Variants in ST3GAL1 observed in about 807,000 individuals in gnomAD.
ST3GAL1 encodes the protein CMP-N-acetylneuraminate-beta-galactosamide-alpha-2,3-sialyltransferase 1.
Under a neutral mutation model 34.1 loss-of-function variants are expected in ST3GAL1, and 16 were observed. The observed-to-expected ratio is 0.47, with a 90% CI of 0.32 to 0.71. ST3GAL1 has a LOEUF of 0.71. Ranked by LOEUF, ST3GAL1 falls within the 30% of genes least tolerant of loss-of-function variation. The probability of loss-of-function intolerance (pLI) is 0.04; values close to 1 mark genes in which losing one functional copy is unlikely to be tolerated. For synonymous variants in ST3GAL1, 191 were observed against 184.7 expected (o/e 1.03, Z -0.28); for missense variants, 353 against 447.4 (o/e 0.79, Z 1.90).
chr8:133,530,146 A>AG (rs1018844396), intron 2 of ST3GAL1, among the ~76,000 whole-genome samples: 20 of 151,840 alleles, frequency 1.3e-4, no homozygotes, highest in African/African-American at 2.2e-4. Flanking sequence ...AAACTAGAGC[A>AG]GGGGGGGTGA....
chr8:133,476,868 C>A (rs1816201796), intron 3 of ST3GAL1, among the ~76,000 whole-genome samples: 1 of 152,202 alleles, frequency 6.6e-6, no homozygotes, highest in Admixed American at 6.5e-5. Context: ...TTGACACACT[C>A]AACAAACATT....
chr8:133,562,829 CCT>C (rs1563744637), intron 1 of ST3GAL1, among the ~76,000 whole-genome samples: 8 of 97,688 alleles, frequency 8.2e-5, no homozygotes, highest in Admixed American at 1.9e-4. Context: ...TTCCTTCCTT[CCT>C]TCCTTCCTTC....
In ST3GAL1 at chr8:133,556,050, C is replaced by A. The variant is rs533843857; in HGVS notation, c.-581-10124G>T. ...CTGGGATTACAGGCACCTGCCACCA[C>A]GCCTGGCTGATTTTTTTTGTATTTT... On this transcript the variant is annotated intron_variant, in intron 1 of 9. Coordinates refer to ENST00000522652, the MANE Select transcript of ST3GAL1 (RefSeq NM_173344.3). The surrounding 1 kb of genome is among the most constrained non-coding windows in gnomAD (Gnocchi z 8.9). 1.3e-5 allele frequency among the ~76,000 whole-genome samples: 2 copies of A among 151,030 alleles called. No individual in the cohort carries two copies. Among genetic ancestry groups the A allele is most frequent in the Non-Finnish European group, 3.0e-5 (2 of 67,596 alleles).
At chr8:133,487,196 C>T (rs577815990) in intron 3 of ST3GAL1, among the ~76,000 whole-genome samples, 3 of 152,220 alleles carry the variant, frequency 2.0e-5, no homozygotes, top group African/African-American at 7.2e-5. Flanking sequence ...ACCTTGGCCT[C>T]CCAAAGTGCT....
intron 3 of ST3GAL1, among the ~76,000 whole-genome samples, chr8:133,476,889 C>T (rs1209144941): frequency 6.6e-6 from 1 of 152,208 alleles, no homozygotes; most frequent in East Asian, 1.9e-4. Flanking sequence ...TGTCAAAGAG[C>T]TCGTGATGCA....
chr8:133,472,855 G>GA (rs143465666), intron 5 of ST3GAL1, among the ~76,000 whole-genome samples: 8,421 of 119,410 alleles, frequency 0.071, 263 homozygotes, highest in Middle Eastern at 0.086. Flanking sequence ...AATTAGTACT[G>GA]AAAAAAAAAA....
chr8:133,564,106 G>C (rs897365743), intron 1 of ST3GAL1, among the ~76,000 whole-genome samples: 1 of 152,128 alleles, frequency 6.6e-6, no homozygotes, highest in African/African-American at 2.4e-5. Context: ...CAAGAACCGA[G>C]GTTTTACAAC....
chr8:133,536,297 G>C (rs1818308203), intron 2 of ST3GAL1, among the ~76,000 whole-genome samples: 1 of 152,112 alleles, frequency 6.6e-6, no homozygotes, highest in African/African-American at 2.4e-5. Flanking sequence ...GGATAGTAAG[G>C]GTCATGGGCA....
intron 2 of ST3GAL1, among the ~76,000 whole-genome samples, chr8:133,509,473 C>A (rs1216858472): frequency 3.3e-5 from 5 of 152,226 alleles, no homozygotes; most frequent in Non-Finnish European, 5.9e-5. Flanking sequence ...ACTTCACAAG[C>A]CTCCTGTGAG....
intron 5 of ST3GAL1, among the ~76,000 whole-genome samples, chr8:133,468,177 C>T (rs1370210803): frequency 6.6e-6 from 1 of 152,104 alleles, no homozygotes; most frequent in African/African-American, 2.4e-5. Flanking sequence ...ATGTTCAAAG[C>T]AGCATTATTC....
At chr8:133,511,434 G>T (rs149937469) in intron 2 of ST3GAL1, among the ~76,000 whole-genome samples, 3 of 152,216 alleles carry the variant, frequency 2.0e-5, no homozygotes, top group African/African-American at 7.2e-5. Flanking sequence ...CTATGTAGAT[G>T]TGCACTGTTT....
chr8:133,508,809 GC>G lies in ST3GAL1; in HGVS notation c.-428-9621del, dbSNP rs1817422646. Among the ~76,000 whole-genome samples, 2 of 152,236 alleles carry G rather than the reference GC, an allele frequency of 1.3e-5. No individual in the cohort carries two copies. The highest frequency in any genetic ancestry group is 1.3e-4 in the Admixed American group (2 of 15,294). On this transcript the variant is annotated intron_variant, in intron 2 of 9. Transcript: ENST00000522652. This position sits in a 1 kb window ranked among gnomAD's most constrained non-coding sequence, Gnocchi z 4.1. Reference sequence around the variant, plus strand: ...ATATAGTCCCTCTCTGAAAGCTTGTGCATCATACAAAACAGTGCAGATAATG... The same window carrying G: ...ATATAGTCCCTCTCTGAAAGCTTGTGATCATACAAAACAGTGCAGATAATG...
At chr8:133,490,947 C>T (rs897397071) in intron 3 of ST3GAL1, among the ~76,000 whole-genome samples, 7 of 152,172 alleles carry the variant, frequency 4.6e-5, no homozygotes, top group Admixed American at 6.5e-5. Context: ...TCTGCATCGG[C>T]GCCTGCCCAT....
chr8:133,505,717 C>T (rs1817313583), intron 2 of ST3GAL1, among the ~76,000 whole-genome samples: 2 of 152,024 alleles, frequency 1.3e-5, no homozygotes, highest in Non-Finnish European at 2.9e-5. Flanking sequence ...AGTCTCCTGC[C>T]TCAGTCTCCT....
At chr8:133,530,863 C>T (rs1357091032) in intron 2 of ST3GAL1, among the ~76,000 whole-genome samples, 2 of 152,094 alleles carry the variant, frequency 1.3e-5, no homozygotes, top group African/African-American at 4.8e-5. Context: ...CTCCATCAGG[C>T]AGCTAAATGA....
chr8:133,508,157 G>C lies in ST3GAL1; in HGVS notation c.-428-8968C>G, dbSNP rs560292203. Among the ~76,000 whole-genome samples, 1 of 152,080 alleles carries C rather than the reference G, an allele frequency of 6.6e-6. No individual in the cohort carries two copies. The highest frequency in any genetic ancestry group is 1.9e-4 in the East Asian group (1 of 5,172). On this transcript the variant is annotated intron_variant, in intron 2 of 9. Transcript: ENST00000522652. The surrounding 1 kb of genome is among the most constrained non-coding windows in gnomAD (Gnocchi z 4.1). ...AAAAAAGGCATCTTTCCCCAACAGC[G>C]TGGAGGCACACTCATTTCTCTTCCC...
At chr8:133,490,707 T>C (rs1039027233) in intron 3 of ST3GAL1, among the ~76,000 whole-genome samples, 9 of 152,060 alleles carry the variant, frequency 5.9e-5, no homozygotes, top group Admixed American at 2.6e-4. Flanking sequence ...GGGGCTGCTG[T>C]GGGTGGAGCT....
At chr8:133,521,521 A>C (rs1367166481) in intron 2 of ST3GAL1, among the ~76,000 whole-genome samples, 6 of 151,940 alleles carry the variant, frequency 3.9e-5, no homozygotes, top group African/African-American at 1.5e-4. Flanking sequence ...CTCGTCTCAA[A>C]CTCCTGACCT....
chr8:133,505,492 CA>C (rs1190828567), intron 2 of ST3GAL1, among the ~76,000 whole-genome samples: 27 of 152,334 alleles, frequency 1.8e-4, no homozygotes, highest in African/African-American at 6.0e-4. Context: ...TATCTTTTGT[CA>C]GCATCTGCCA....
Sources: gnomAD v4.1 joint callset for allele counts (sites outside exome capture counted in the v4.1 genomes callset) on GRCh38, gnomAD v4.1.1 for gene constraint, Gnocchi (gnomAD v3.1) non-coding constraint, MANE v1.5 for transcripts, NCBI Gene and HGNC (gene_info 2026-07-23, HGNC 2026-07-21) for gene names.